FAM20A: variants seen among roughly 807,000 people sequenced by gnomAD.
The protein encoded by FAM20A is pseudokinase FAM20A.
FAM20A carries 42 observed loss-of-function variants against 52.0 expected under a neutral mutation model. The ratio of observed to expected loss-of-function variants is 0.81; its 90% confidence interval spans 0.63 to 1.04. The LOEUF is 1.04. Among genes scored for constraint, FAM20A ranks in the 50% least tolerant of loss-of-function variants. FAM20A has a pLI of 0.00. For synonymous variants in FAM20A, 304 were observed against 298.9 expected, an observed-to-expected ratio of 1.02 and a Z score of -0.18; for missense variants, 742 against 712.7, an observed-to-expected ratio of 1.04 and a Z score of -0.47.
intron 1 of FAM20A, among the ~76,000 whole-genome samples, chr17:68,563,667 A>T (rs2087290042): frequency 6.6e-6 from 1 of 152,100 alleles, no homozygotes; most frequent in Non-Finnish European, 1.5e-5. Context: ...AACCTTCATC[A>T]TCACGCAGTG....
intron 1 of FAM20A, among the ~76,000 whole-genome samples, chr17:68,575,469 A>T (rs9674549): frequency 7.6e-5 from 9 of 117,822 alleles, no homozygotes; most frequent in African/African-American, 3.0e-4. Flanking sequence ...ATTATATATA[A>T]TATATTTTAT....
chr17:68,540,031 GTT>G, intron 8 of FAM20A, 65 bp from the exon 9 acceptor site: 1 of 1,412,416 alleles, frequency 7.1e-7, no homozygotes, highest in East Asian at 2.3e-5. Context: ...CCTGACCTGA[GTT>G]CTCTCCAGGG....
Position 68,542,149 on chromosome 17 carries a change from G to A in FAM20A, c.945C>T (p.Phe315=). Reference sequence around the variant, plus strand: ...TGCACATGTATGGACACTTGGCGAAGAAGCACACGTTGCTCGCTGGAGGAT... The same window carrying A: ...TGCACATGTATGGACACTTGGCGAAAAAGCACACGTTGCTCGCTGGAGGAT... ...FFVSPASNVC[F]FAKCPYMCKT... is the part of the protein sequence containing the mutation. The change falls in exon 7 of 11, where the codon TTC becomes TTT. Residue 315 remains phenylalanine, a synonymous_variant. Coordinates refer to ENST00000592554, the MANE Select transcript of FAM20A (RefSeq NM_017565.4). The A allele has an allele frequency of 1.2e-6, 2 of 1,614,040 alleles. No individual in the cohort carries two copies. Among genetic ancestry groups the A allele is most frequent in the Non-Finnish European group, 1.7e-6 (2 of 1,180,028 alleles).
intron 10 of FAM20A, among the ~76,000 whole-genome samples, chr17:68,538,708 T>A (rs1186945200): frequency 1.3e-5 from 2 of 152,154 alleles, no homozygotes; most frequent in Non-Finnish European, 2.9e-5. Flanking sequence ...AAAGCAGAGG[T>A]CTGATTAGTA....
intron 6 of FAM20A, 127 bp downstream of exon 6, chr17:68,542,567 T>G (rs1190299495): frequency 1.3e-6 from 1 of 773,628 alleles, no homozygotes; most frequent in Non-Finnish European, 2.3e-6. Flanking sequence ...GTCTTACAAC[T>G]TCATACGCCC....
intron 1 of FAM20A, among the ~76,000 whole-genome samples, 176 bp from the exon 2 acceptor site, chr17:68,555,919 G>C (rs1014967622): frequency 6.6e-6 from 1 of 152,140 alleles, no homozygotes; most frequent in Non-Finnish European, 1.5e-5. Flanking sequence ...ACACCTGTGG[G>C]GTCCTTTCTT....
chr17:68,597,961 AGT>A (rs1257845771), intron 1 of FAM20A: 1 of 147,442 alleles, frequency 6.8e-6, no homozygotes, highest in Non-Finnish European at 1.5e-5. Flanking sequence ...TAGAACTCTG[AGT>A]GTGGCTCAAA....
intron 4 of FAM20A, among the ~76,000 whole-genome samples, chr17:68,544,268 C>T (rs540392335): frequency 2.2e-4 from 34 of 152,148 alleles, no homozygotes; most frequent in Admixed American, 7.2e-4. Flanking sequence ...GAAACACAGC[C>T]GGATCATGAG....
At chr17:68,555,429 A>G (rs1033912782) in intron 2 of FAM20A, 130 bp downstream of exon 2, 3 of 1,003,542 alleles carry the variant, frequency 3.0e-6, no homozygotes, top group African/African-American at 3.2e-5. Flanking sequence ...AGATCAATGC[A>G]TATGTTCCTC....
In FAM20A at chr17:68,542,041, G is replaced by T; in HGVS notation, c.1053C>A (p.Pro351=). The T allele has an allele frequency of 6.2e-7, 1 of 1,614,136 alleles. No individual in the cohort carries two copies. Among genetic ancestry groups the T allele is most frequent in the Non-Finnish European group, 8.5e-7 (1 of 1,180,012 alleles). ...SAFLPSLNLA[P]RLSVPNPWIR... Reference sequence around the variant, plus strand: ...TCCAGGGGTTGGGCACAGACAGCCTGGGGGCCAGGTTGAGGGACGGCAGGA... The same window carrying T: ...TCCAGGGGTTGGGCACAGACAGCCTTGGGGCCAGGTTGAGGGACGGCAGGA... The change falls in exon 7 of 11, where the codon CCC becomes CCA. Residue 351 remains proline, a synonymous_variant. Coordinates refer to ENST00000592554, the MANE Select transcript of FAM20A (RefSeq NM_017565.4).
intron 1 of FAM20A, among the ~76,000 whole-genome samples, chr17:68,599,273 TAA>T (rs1360709052): frequency 6.6e-6 from 1 of 152,140 alleles, no homozygotes; most frequent in Non-Finnish European, 1.5e-5. Context: ...TTGTATTAAG[TAA>T]AGAGATGGGT....
At chr17:68,540,041 G>T in intron 8 of FAM20A, 75 bp from the exon 9 acceptor site, 1 of 1,282,278 alleles carries the variant, frequency 7.8e-7, no homozygotes, top group Non-Finnish European at 1.1e-6. Context: ...GTTCTCTCCA[G>T]GGAACGGAGG....
chr17:68,536,410 A>C lies in FAM20A; in HGVS notation c.*1067T>G. On this transcript the variant is annotated 3_prime_UTR_variant, in exon 11 of 11. Transcript: ENST00000592554. Reference sequence around the variant, plus strand: ...ATAAGAAACAAAGCCTCCTATTAAAAGGAGTTTCAGATATCAACAAGTCAG... The same window carrying C: ...ATAAGAAACAAAGCCTCCTATTAAACGGAGTTTCAGATATCAACAAGTCAG... The C allele has an allele frequency of 4.4e-6, 2 of 454,162 alleles. No homozygotes were observed. 28.1% of individuals were successfully genotyped at this position (454,162 alleles called of 1,614,324 possible).
intron 4 of FAM20A, among the ~76,000 whole-genome samples, chr17:68,550,273 A>G (rs542764156): frequency 1.3e-5 from 2 of 152,244 alleles, no homozygotes; most frequent in South Asian, 2.1e-4. Flanking sequence ...TATAAATATA[A>G]GCAGACATTC....
At chr17:68,539,274 T>C in intron 10 of FAM20A, 63 bp downstream of exon 10, 2 of 1,565,480 alleles carry the variant, frequency 1.3e-6, no homozygotes. Flanking sequence ...AGACCTTGGC[T>C]GCAAGCAGCA....
chr17:68,564,850 C>G (rs889517190), intron 1 of FAM20A, among the ~76,000 whole-genome samples: 9 of 151,998 alleles, frequency 5.9e-5, no homozygotes, highest in African/African-American at 2.2e-4. Flanking sequence ...CTTCTGGGAC[C>G]CTGAGGGCAG....
At chr17:68,594,307 G>A (rs577921590) in intron 1 of FAM20A, among the ~76,000 whole-genome samples, 87 of 151,974 alleles carry the variant, frequency 5.7e-4, no homozygotes, top group African/African-American at 2.0e-3. Flanking sequence ...GCTGAGGCAG[G>A]AGAATGGCGT....
chr17:68,597,846 A>G (rs2088496835), intron 1 of FAM20A, among the ~76,000 whole-genome samples: 1 of 151,998 alleles, frequency 6.6e-6, no homozygotes, highest in South Asian at 2.1e-4. Context: ...GGTGTCCTCG[A>G]CCCTGCACAT....
intron 1 of FAM20A, among the ~76,000 whole-genome samples, chr17:68,575,645 A>T (rs2087732544): frequency 1.8e-5 from 2 of 110,202 alleles, no homozygotes; most frequent in African/African-American, 3.6e-5. Context: ...ATAGAATATT[A>T]TATTTTATAT....
Sources: gnomAD v4.1 joint callset for allele counts (sites outside exome capture counted in the v4.1 genomes callset) on GRCh38, gnomAD v4.1.1 for gene constraint, MANE v1.5 for transcripts, NCBI Gene and HGNC (gene_info 2026-07-23, HGNC 2026-07-21) for gene names.